The following IL6R variants were observed in gnomAD, a reference collection of about 807,000 sequenced individuals.
The protein encoded by IL6R is interleukin 6 receptor.
In IL6R, 38 loss-of-function variants were observed where a neutral mutation model predicts 48.3. The ratio of observed to expected loss-of-function variants is 0.79; its 90% CI spans 0.61 to 1.03. The LOEUF (loss-of-function observed/expected upper bound fraction) is 1.03. Ranked by LOEUF, IL6R falls within the 50% of genes least tolerant of loss-of-function variation. The probability of loss-of-function intolerance (pLI) is 0.00; values close to 1 mark genes in which losing one functional copy is unlikely to be tolerated. For synonymous variants in IL6R, 264 were observed against 256.2 expected (o/e 1.03, Z -0.29); for missense variants, 534 against 618.3 (o/e 0.86, Z 1.45).
intron 9 of IL6R, among the ~76,000 whole-genome samples, chr1:154,463,613 G>C (rs969283453): frequency 6.6e-6 from 1 of 152,234 alleles, no homozygotes; most frequent in Non-Finnish European, 1.5e-5. Context: ...GGGGTTAGGA[G>C]GCATGTCAGT....
intron 1 of IL6R, among the ~76,000 whole-genome samples, chr1:154,427,234 C>A (rs1020130512): frequency 6.6e-6 from 1 of 151,686 alleles, no homozygotes; most frequent in Non-Finnish European, 1.5e-5. Context: ...TGCTGAGGAC[C>A]AGGACAGTAC....
chr1:154,405,351 TC>T lies in IL6R; in HGVS notation c.-277del, dbSNP rs1354647336. 1.1e-5 allele frequency: 5 copies of T among 469,364 alleles called. No homozygotes were observed. Among genetic ancestry groups the T allele is most frequent in the Non-Finnish European group, 1.9e-5 (5 of 265,542 alleles). 29.1% of individuals were successfully genotyped at this position (469,364 alleles called of 1,614,324 possible). ...TCCAGCGCGAGTTCCTCAAATGTTT[TC>T]CTGCGTTGCCAGGACCGTCCGCCGC... is the stretch of plus-strand genomic sequence containing the variant. On this transcript the variant is annotated 5_prime_UTR_variant, in exon 1 of 10. It removes the in-frame stop codon of an upstream open reading frame in the 5' UTR. Transcript: ENST00000368485. This position sits in a 1 kb window ranked among gnomAD's most constrained non-coding sequence, Gnocchi z 5.2.
chr1:154,406,830 A>G (rs1394507785), intron 1 of IL6R, among the ~76,000 whole-genome samples: 2 of 152,132 alleles, frequency 1.3e-5, no homozygotes, highest in African/African-American at 4.8e-5. Context: ...AAGGGATTCC[A>G]TTTTCAATAC....
intron 6 of IL6R, among the ~76,000 whole-genome samples, chr1:154,437,919 T>C (rs1292635529): frequency 6.7e-6 from 1 of 150,062 alleles, no homozygotes; most frequent in Non-Finnish European, 1.5e-5. Context: ...TTTCACTGTG[T>C]TGGCCAGGCT....
chr1:154,447,707 T>TTTTGTTTTGC (rs1256481033), intron 6 of IL6R, among the ~76,000 whole-genome samples: 2 of 151,556 alleles, frequency 1.3e-5, no homozygotes, highest in African/African-American at 4.9e-5. Flanking sequence ...TTTTGTTTTG[T>TTTTGTTTTGC]TTTGTTTTGT....
rs185149094 is a variant in IL6R at position 154,411,458 on chromosome 1, G to C, written c.85+5744G>C. On this transcript the variant is annotated intron_variant, in intron 1 of 9. Coordinates refer to ENST00000368485, the MANE Select transcript of IL6R (RefSeq NM_000565.4). ...AGCTTGAGATGTAAATGTGGGAGTCGTGTGCTGGCAGATATTATTTCAAGC... is the reference window on the plus strand; with the variant it reads ...AGCTTGAGATGTAAATGTGGGAGTCCTGTGCTGGCAGATATTATTTCAAGC... Among the ~76,000 whole-genome samples, 10 of 152,292 alleles carry C rather than the reference G, an allele frequency of 6.6e-5. No individual in the cohort carries two copies. In the East Asian group the frequency reaches 1.7e-3, roughly 26 times the overall value.
chr1:154,408,925 T>G (rs1293215412), intron 1 of IL6R, among the ~76,000 whole-genome samples: 12 of 152,016 alleles, frequency 7.9e-5, no homozygotes, highest in Non-Finnish European at 8.8e-5. Flanking sequence ...CAGGAGGATC[T>G]CTTGAGCTCA....
intron 4 of IL6R, 124 bp from the exon 5 acceptor site, chr1:154,434,866 G>T (rs955595568): frequency 7.4e-6 from 9 of 1,216,510 alleles, no homozygotes; most frequent in Admixed American, 2.3e-5. Flanking sequence ...GCAGGCCCTT[G>T]TGGAGCTGTG....
chr1:154,456,206 C>CT (rs34592707), intron 9 of IL6R, among the ~76,000 whole-genome samples: 46,276 of 134,964 alleles, frequency 0.34, 8,534 homozygotes, highest in Admixed American at 0.49. Context: ...TGAATAGATT[C>CT]TTTTTTTTTT....
intron 6 of IL6R, among the ~76,000 whole-genome samples, chr1:154,439,486 TA>T (rs1004111779): frequency 1.3e-5 from 2 of 152,060 alleles, no homozygotes; most frequent in African/African-American, 4.8e-5. Flanking sequence ...GGCTAATTTT[TA>T]TATTTTTAGT....
chr1:154,430,537 T>C lies in IL6R; in HGVS notation c.389T>C (p.Val130Ala), dbSNP rs1448608451. The change falls in exon 3 of 10, where the codon GTT becomes GCT. Residue 130 changes from valine to alanine, a missense_variant. By Grantham distance (64) the Val-to-Ala change is moderately conservative. Transcript: ENST00000368485. ...SCFRKSPLSN[V>A]VCEWGPRSTP... The stretch of plus-strand genomic sequence containing the variant: ...TTCCGGAAGAGCCCCCTCAGCAATG[T>C]TGTTTGTGAGTGGGGTCCTCGGAGC... 3 of 1,614,098 alleles carry C rather than the reference T, an allele frequency of 1.9e-6. No homozygotes were observed. The highest frequency in any genetic ancestry group is 2.5e-6 in the Non-Finnish European group (3 of 1,179,980).
chr1:154,442,560 C>G (rs373882503), intron 6 of IL6R, among the ~76,000 whole-genome samples: 9 of 152,174 alleles, frequency 5.9e-5, no homozygotes, highest in African/African-American at 2.2e-4. Flanking sequence ...CAGGTGCTGC[C>G]CCCTTGAGGC....
chr1:154,445,605 G>C (rs1181574721), intron 6 of IL6R, among the ~76,000 whole-genome samples: 4 of 151,930 alleles, frequency 2.6e-5, no homozygotes, highest in Non-Finnish European at 5.9e-5. Flanking sequence ...AAAAAATTAG[G>C]CGGGTGTGGT....
At position 154,435,131 on chromosome 1, in the gene IL6R, G is replaced by A. The variant is rs200577097; in HGVS notation, c.782G>A (p.Arg261Gln). The A allele has an allele frequency of 1.3e-5, 21 of 1,614,058 alleles. No individual in the cohort carries two copies. The African/African-American group carries it at 2.0e-4, about 15-fold the overall frequency. The change falls in exon 5 of 10, where the codon CGG becomes CAG. Residue 261 changes from arginine to glutamine, a missense_variant. Arg to Gln is a conservative substitution (Grantham distance 43). Coordinates refer to ENST00000368485, the MANE Select transcript of IL6R (RefSeq NM_000565.4). Reference protein sequence around the residue: ...LRFELRYRAERSKTFTTWMVK... With the variant: ...LRFELRYRAEQSKTFTTWMVK... ...TTTGAGCTCAGATATCGGGCTGAACGGTCAAAGACATTCACAACATGGATG... is the reference window on the plus strand; with the variant it reads ...TTTGAGCTCAGATATCGGGCTGAACAGTCAAAGACATTCACAACATGGATG...
chr1:154,407,017 C>T (rs1214198939), intron 1 of IL6R, among the ~76,000 whole-genome samples: 4 of 152,128 alleles, frequency 2.6e-5, no homozygotes, highest in South Asian at 2.1e-4. Context: ...CAACCCCTCC[C>T]GTGGCTCTGT....
intron 6 of IL6R, among the ~76,000 whole-genome samples, chr1:154,442,625 TG>T (rs976392583): frequency 6.6e-6 from 1 of 152,154 alleles, no homozygotes; most frequent in Non-Finnish European, 1.5e-5. Flanking sequence ...TGTATGAAGT[TG>T]GGGGTCCCAG....
chr1:154,416,699 C>T (rs1022135454), intron 1 of IL6R, among the ~76,000 whole-genome samples: 3 of 151,384 alleles, frequency 2.0e-5, no homozygotes, highest in South Asian at 2.1e-4. Flanking sequence ...CATGGGGGAG[C>T]GGAGGGGGTG....
At chr1:154,425,679 T>G (rs1462884062) in intron 1 of IL6R, among the ~76,000 whole-genome samples, 1 of 150,208 alleles carries the variant, frequency 6.7e-6, no homozygotes, top group African/African-American at 2.5e-5. Flanking sequence ...GAAGCTGCGG[T>G]GGGAGGATCA....
intron 1 of IL6R, among the ~76,000 whole-genome samples, chr1:154,407,633 G>A (rs777101357): frequency 2.9e-4 from 44 of 152,360 alleles, no homozygotes; most frequent in Middle Eastern, 3.4e-3. Context: ...TTTCGCTTTA[G>A]AGAAGTGAGG....
Sources: gnomAD v4.1 joint callset for allele counts (sites outside exome capture counted in the v4.1 genomes callset) on GRCh38, gnomAD v4.1.1 for gene constraint, Gnocchi (gnomAD v3.1) non-coding constraint, MANE v1.5 for transcripts, NCBI Gene and HGNC (gene_info 2026-07-23, HGNC 2026-07-21) for gene names.